The following ADAM12 variants were observed in gnomAD, a reference collection of about 807,000 sequenced individuals.
ADAM12 encodes the protein ADAM metallopeptidase domain 12, also known as disintegrin and metalloproteinase domain-containing protein 12.
A neutral mutation model predicts 106.4 loss-of-function variants in ADAM12; 70 were observed. The ratio of observed to expected loss-of-function variants is 0.66; its 90% CI spans 0.54 to 0.80. ADAM12 has a LOEUF of 0.80. Ranked by LOEUF, ADAM12 falls within the 30% of genes least tolerant of loss-of-function variation. The pLI, the probability that ADAM12 is intolerant of heterozygous loss-of-function variation, is 0.00. For missense variants in ADAM12, 1,010 were observed against 1,171.9 expected, an observed-to-expected ratio of 0.86 and a Z score of 2.02; for synonymous variants, 420 against 433.5, an observed-to-expected ratio of 0.97 and a Z score of 0.39.
At chr10:126,364,784 T>A (rs1202384148) in intron 1 of ADAM12, among the ~76,000 whole-genome samples, 2 of 152,108 alleles carry the variant, frequency 1.3e-5, no homozygotes, top group African/African-American at 4.8e-5. Context: ...GGGGGGAAAT[T>A]AAACTGCATT....
intron 2 of ADAM12, among the ~76,000 whole-genome samples, chr10:126,294,723 C>T (rs1229995048): frequency 4.6e-5 from 7 of 152,076 alleles, no homozygotes; most frequent in Non-Finnish European, 7.4e-5. Context: ...ACATGATTTA[C>T]AACCAGTAAG....
intron 1 of ADAM12, among the ~76,000 whole-genome samples, chr10:126,382,167 T>C (rs142098611): frequency 0.015 from 2,165 of 140,686 alleles, 18 homozygotes; most frequent in Non-Finnish European, 0.026. Context: ...CAGGGGGCAC[T>C]GGGCACTGGA....
Position 126,212,091 on chromosome 10 carries a change from C to T in ADAM12, c.261-56786G>A, listed in dbSNP as rs138401128. ...TGTTCACTCCCAGGCGTGACTGCTG[C>T]GCAGCTCACCAGCCTGGCTGTACAT... On this transcript the variant is annotated intron_variant, in intron 3 of 22. Coordinates refer to ENST00000448723, the MANE Select transcript of ADAM12 (RefSeq NM_001288973.2). Among the ~76,000 whole-genome samples the T allele has an allele frequency of 3.1e-3, 472 of 152,294 alleles. 4 individuals are homozygous for T. The highest frequency in any genetic ancestry group is 7.8e-3 in the African/African-American group (326 of 41,554).
intron 3 of ADAM12, among the ~76,000 whole-genome samples, chr10:126,161,621 G>A (rs899217794): frequency 2.0e-5 from 3 of 152,232 alleles, no homozygotes; most frequent in African/African-American, 7.2e-5. Flanking sequence ...CTTCCTGGGT[G>A]ATACACGTCC....
intron 1 of ADAM12, among the ~76,000 whole-genome samples, chr10:126,378,037 C>T (rs984685490): frequency 1.3e-5 from 2 of 151,894 alleles, no homozygotes; most frequent in Non-Finnish European, 2.9e-5. Flanking sequence ...AGAAGAAATA[C>T]GAAGAACATA....
intron 1 of ADAM12, among the ~76,000 whole-genome samples, chr10:126,336,277 T>A (rs1347803043): frequency 6.6e-6 from 1 of 152,196 alleles, no homozygotes; most frequent in Non-Finnish European, 1.5e-5. Context: ...TGAAGTCTAC[T>A]AAGAATAATT....
chr10:126,120,922 TA>T (rs1385947955), intron 5 of ADAM12, among the ~76,000 whole-genome samples: 1 of 134,070 alleles, frequency 7.5e-6, no homozygotes, highest in African/African-American at 2.8e-5. Flanking sequence ...ATATGCAATA[TA>T]ATTATATATT....
At chr10:126,052,132 C>T (rs975993070) in intron 14 of ADAM12, among the ~76,000 whole-genome samples, 1 of 152,240 alleles carries the variant, frequency 6.6e-6, no homozygotes, top group Non-Finnish European at 1.5e-5. Context: ...TGTGCTCCAT[C>T]CTCACAGGTG....
At chr10:126,339,847 CTTTTTT>C (rs146232567) in intron 1 of ADAM12, among the ~76,000 whole-genome samples, 1 of 75,710 alleles carries the variant, frequency 1.3e-5, no homozygotes, top group Non-Finnish European at 2.3e-5. Flanking sequence ...CATTCTAGGG[CTTTTTT>C]TTTTTTTTTT....
In ADAM12 at chr10:126,036,193, C is replaced by T. The variant is rs762668977; in HGVS notation, c.2482G>A (p.Val828Ile). Residue 828 changes from valine (V) to isoleucine (I), a missense_variant, in exon 21 of 23, where the codon GTC becomes ATC. Physicochemically the swap from Val to Ile is conservative, Grantham distance 29. This residue lies in a region of ADAM12 where 615 missense variants were observed against 708.5 expected (regional missense o/e 0.87). Transcript: ENST00000448723. ...TTGGCTGGCAGGGGTCTGGCAGGGACGCTAGGTGCACGTGGAGCCCGGTGG... is the reference window on the plus strand; with the variant it reads ...TTGGCTGGCAGGGGTCTGGCAGGGATGCTAGGTGCACGTGGAGCCCGGTGG... The part of the protein sequence containing the change: ...PLHRAPRAPS[V>I]PARPLPAKPA... The T allele has an allele frequency of 1.6e-5, 24 of 1,536,504 alleles. No homozygotes were observed. The highest frequency in any genetic ancestry group is 4.3e-5 in the African/African-American group (3 of 70,206).
At chr10:126,180,577 A>G (rs1957295321) in intron 3 of ADAM12, among the ~76,000 whole-genome samples, 1 of 152,236 alleles carries the variant, frequency 6.6e-6, no homozygotes, top group Non-Finnish European at 1.5e-5. Flanking sequence ...TTTTCTAAAA[A>G]AAAGATAAGC....
At chr10:126,054,702 C>T (rs1357576249) in intron 14 of ADAM12, among the ~76,000 whole-genome samples, 2 of 152,178 alleles carry the variant, frequency 1.3e-5, no homozygotes, top group Non-Finnish European at 2.9e-5. Flanking sequence ...GAGGTTCTGT[C>T]CCCTCATCTG....
intron 5 of ADAM12, among the ~76,000 whole-genome samples, chr10:126,121,637 G>A (rs1312634472): frequency 6.6e-6 from 1 of 150,876 alleles, no homozygotes; most frequent in Non-Finnish European, 1.5e-5. Context: ...AGCTGGTCAA[G>A]TTGCAAACTC....
chr10:126,316,769 G>A (rs1213746653), intron 2 of ADAM12, among the ~76,000 whole-genome samples: 1 of 142,924 alleles, frequency 7.0e-6, no homozygotes, highest in Non-Finnish European at 1.5e-5. Context: ...TGGTGACAGA[G>A]TGAGACCCTA....
chr10:126,125,281 T>C (rs1177483745), intron 5 of ADAM12, among the ~76,000 whole-genome samples: 1 of 150,768 alleles, frequency 6.6e-6, no homozygotes, highest in Non-Finnish European at 1.5e-5. Flanking sequence ...AGTCTCGCTT[T>C]GTCACCAGGC....
chr10:126,067,467 T>G (rs1162037727), intron 12 of ADAM12, among the ~76,000 whole-genome samples: 1 of 152,228 alleles, frequency 6.6e-6, no homozygotes, highest in African/African-American at 2.4e-5. Context: ...AATGGATAGT[T>G]CAAGCATTAG....
At chr10:126,335,673 A>T (rs1224709872) in intron 1 of ADAM12, among the ~76,000 whole-genome samples, 1 of 151,992 alleles carries the variant, frequency 6.6e-6, no homozygotes, top group East Asian at 1.9e-4. Flanking sequence ...ATGCAATTTT[A>T]AAATAACGTA....
chr10:126,073,965 GTTC>G (rs1430044286), intron 11 of ADAM12, among the ~76,000 whole-genome samples: 2 of 152,216 alleles, frequency 1.3e-5, no homozygotes, highest in Admixed American at 6.5e-5. Flanking sequence ...CTTAAGAGCA[GTTC>G]TTCTCTTTGC....
rs74877588 is a variant in ADAM12 at position 126,038,280 on chromosome 10, T to C, written c.2310A>G (p.Lys770=). The change falls in exon 20 of 23, where the codon AAA becomes AAG. Residue 770 remains lysine (K), a synonymous_variant. Transcript: ENST00000448723. ...PCQAHLGHLG[K]GLMRKPPDSY... is the part of the protein sequence containing the mutation. ...AATCTGGCGGCTTCCTCATCAGGCC[T>C]TTTCCAAGGTGGCCGAGGTGAGCCT... The C allele has an allele frequency of 8.9e-4, 1,437 of 1,611,098 alleles. 14 individuals are homozygous for C. The African/African-American group carries it at 0.017, about 19-fold the overall frequency.
Sources: gnomAD v4.1 joint callset for allele counts (sites outside exome capture counted in the v4.1 genomes callset) on GRCh38, gnomAD v4.1.1 for gene constraint, gnomAD v4.1.1 regional missense constraint, MANE v1.5 for transcripts, NCBI Gene and HGNC (gene_info 2026-07-23, HGNC 2026-07-21) for gene names.